Variants in CDH6 observed in about 807,000 individuals in gnomAD.
CDH6 encodes the protein cadherin 6, also known as cadherin-6.
CDH6 carries 31 observed loss-of-function variants against 78.0 expected under a neutral mutation model. That is an observed-to-expected ratio of 0.40 (90% confidence interval 0.30 to 0.54). The LOEUF (loss-of-function observed/expected upper bound fraction) is 0.54, where lower values mean the gene tolerates loss of function less well. CDH6 is among the 20% of genes least tolerant of loss of function. The pLI, the probability that CDH6 is intolerant of heterozygous loss-of-function variation, is 0.56. For synonymous variants in CDH6, 376 were observed against 368.8 expected (o/e 1.02, Z -0.23); for missense variants, 724 against 975.9 (o/e 0.74, Z 3.44).
chr5:31,279,731 T>G lies in CDH6; in HGVS notation c.228+12030T>G, dbSNP rs142067324. Among the ~76,000 whole-genome samples the G allele has an allele frequency of 3.6e-3, 553 of 152,266 alleles. 5 individuals carry two copies. The highest frequency in any genetic ancestry group is 5.8e-3 in the Non-Finnish European group (397 of 68,022). On this transcript the variant is annotated intron_variant, in intron 2 of 11. Coordinates refer to ENST00000265071, the MANE Select transcript of CDH6 (RefSeq NM_004932.4). The stretch of plus-strand genomic sequence containing the variant: ...AGAAGGAGGGGTTGGTCTTACTGCC[T>G]CGGGGGTGGCAGAGGCAGAAGAAAA...
intron 1 of CDH6, among the ~76,000 whole-genome samples, chr5:31,217,074 T>C (rs1368579756): frequency 2.0e-5 from 3 of 152,096 alleles, no homozygotes. Context: ...CGTGTATAGG[T>C]GCAACAATAT....
chr5:31,268,548 C>T (rs1742425872), intron 2 of CDH6, among the ~76,000 whole-genome samples: 1 of 152,122 alleles, frequency 6.6e-6, no homozygotes, highest in African/African-American at 2.4e-5. Context: ...AAAGAAAAAA[C>T]CAGGGTTACA....
chr5:31,297,205 A>G, intron 3 of CDH6, 84 bp from the exon 4 acceptor site: 1 of 1,200,596 alleles, frequency 8.3e-7, no homozygotes, highest in Non-Finnish European at 1.2e-6. Flanking sequence ...TCCATACAAA[A>G]TTAAGATCGT....
chr5:31,292,615 CCACTAA>C (rs1160944282), intron 2 of CDH6, among the ~76,000 whole-genome samples: 10 of 151,818 alleles, frequency 6.6e-5, no homozygotes, highest in Non-Finnish European at 1.2e-4. Context: ...AGCAGCCTTC[CCACTAA>C]CACTAACTTC....
intron 2 of CDH6, among the ~76,000 whole-genome samples, chr5:31,274,374 T>C (rs1742627466): frequency 6.6e-6 from 1 of 152,160 alleles, no homozygotes; most frequent in Non-Finnish European, 1.5e-5. Context: ...CTGGCCTTGA[T>C]CATAAAGCCA....
chr5:31,299,095 A>G (rs1041052073), intron 4 of CDH6, among the ~76,000 whole-genome samples: 2 of 152,196 alleles, frequency 1.3e-5, no homozygotes, highest in African/African-American at 4.8e-5. Flanking sequence ...ATATTATAGT[A>G]TACCTTTATA....
chr5:31,285,532 A>C (rs1742988295), intron 2 of CDH6, among the ~76,000 whole-genome samples: 1 of 152,334 alleles, frequency 6.6e-6, no homozygotes, highest in South Asian at 2.1e-4. Context: ...TAGAAGGCAG[A>C]GTTTAGATGC....
intron 2 of CDH6, among the ~76,000 whole-genome samples, chr5:31,293,663 C>T (rs142111972): frequency 1.3e-5 from 2 of 152,236 alleles, no homozygotes; most frequent in East Asian, 3.9e-4. Context: ...CACCCTAATA[C>T]GTCCTTGGCC....
chr5:31,204,379 C>T (rs1303466601), intron 1 of CDH6, among the ~76,000 whole-genome samples: 1 of 152,134 alleles, frequency 6.6e-6, no homozygotes, highest in East Asian at 1.9e-4. Context: ...CACTTTCTCC[C>T]CAAACGTAAC....
Position 31,302,149 on chromosome 5 carries a change from G to T in CDH6, c.850G>T (p.Gly284Trp). ...QFKTPESSPP[G>W]TPIGRIKASD... is the part of the protein sequence containing the mutation. ...TAAAACTCCTGAATCTTCTCCACCG[G>T]GGACACCAATTGGCAGAATCAAAGC... is the stretch of plus-strand genomic sequence containing the variant. Residue 284 changes from glycine to tryptophan, a missense_variant, in exon 6 of 12, where the codon GGG (glycine) becomes TGG (tryptophan). Gly to Trp is a radical substitution (Grantham distance 184). This residue lies in a region of CDH6 where 446 missense variants were observed against 684.5 expected (regional missense o/e 0.65). Coordinates refer to ENST00000265071, the MANE Select transcript of CDH6 (RefSeq NM_004932.4). The T allele has an allele frequency of 6.2e-7, 1 of 1,613,898 alleles. No individual in the cohort carries two copies. Among genetic ancestry groups the T allele is most frequent in the Non-Finnish European group, 8.5e-7 (1 of 1,179,864 alleles).
chr5:31,279,171 C>G (rs1742787102), intron 2 of CDH6, among the ~76,000 whole-genome samples: 1 of 152,146 alleles, frequency 6.6e-6, no homozygotes, highest in Admixed American at 6.6e-5. Context: ...AAAAACTTAG[C>G]TACAAATGGC....
chr5:31,248,693 T>A (rs961146816), intron 1 of CDH6, among the ~76,000 whole-genome samples: 1 of 152,034 alleles, frequency 6.6e-6, no homozygotes, highest in Non-Finnish European at 1.5e-5. Context: ...TTAAGAAATA[T>A]CCACATTCCT....
chr5:31,197,587 A>T lies in CDH6; in HGVS notation c.-129+3701A>T, dbSNP rs953415407. Reference sequence around the variant, plus strand: ...GGTTTAAATATTTTTCTGAATAATGATTCTAAATTCAAAGACTCAAGAACA... The same window carrying T: ...GGTTTAAATATTTTTCTGAATAATGTTTCTAAATTCAAAGACTCAAGAACA... On this transcript the variant is annotated intron_variant, in intron 1 of 11. Coordinates refer to ENST00000265071, the MANE Select transcript of CDH6 (RefSeq NM_004932.4). Among the ~76,000 whole-genome samples the T allele has an allele frequency of 2.6e-4, 40 of 152,350 alleles. No individual in the cohort carries two copies. The East Asian group carries it at 6.6e-3, about 25-fold the overall frequency.
At chr5:31,297,164 C>T in intron 3 of CDH6, 125 bp from the exon 4 acceptor site, 1 of 785,412 alleles carries the variant, frequency 1.3e-6, no homozygotes, top group Non-Finnish European at 2.2e-6. Context: ...CAGCATCCTA[C>T]CAAAGTTCTC....
At chr5:31,310,493 C>A (rs1390525697) in intron 7 of CDH6, among the ~76,000 whole-genome samples, 1 of 152,188 alleles carries the variant, frequency 6.6e-6, no homozygotes, top group Non-Finnish European at 1.5e-5. Context: ...GAGAGTGGCC[C>A]CCTTCTCACA....
At chr5:31,286,274 A>G (rs775973890) in intron 2 of CDH6, among the ~76,000 whole-genome samples, 14 of 152,182 alleles carry the variant, frequency 9.2e-5, no homozygotes, top group Non-Finnish European at 1.9e-4. Flanking sequence ...TGTGAAACAC[A>G]TCATCAGCAA....
intron 1 of CDH6, among the ~76,000 whole-genome samples, chr5:31,241,838 G>A (rs141292866): frequency 1.3e-5 from 2 of 152,196 alleles, no homozygotes; most frequent in African/African-American, 4.8e-5. Context: ...CTCACCATGT[G>A]CCTAGAAGGA....
chr5:31,260,971 AT>A (rs559328491), intron 1 of CDH6, among the ~76,000 whole-genome samples: 141 of 152,298 alleles, frequency 9.3e-4, no homozygotes, highest in Admixed American at 2.1e-3. Context: ...CTATAGACAC[AT>A]TTTTATTCAC....
intron 11 of CDH6, among the ~76,000 whole-genome samples, chr5:31,321,336 G>T (rs902815286): frequency 6.6e-5 from 10 of 152,130 alleles, no homozygotes; most frequent in South Asian, 2.1e-4. Context: ...ACTTGAAAGT[G>T]GCAAAGTTAC....
Sources: allele counts gnomAD v4.1 joint callset (sites outside exome capture counted in the v4.1 genomes callset), GRCh38; gene constraint gnomAD v4.1.1; regional missense constraint gnomAD v4.1.1; transcripts MANE v1.5; gene names NCBI Gene and HGNC (gene_info 2026-07-23, HGNC 2026-07-21).